PPP4R4: variants seen among roughly 807,000 people sequenced by gnomAD.
PPP4R4 encodes serine/threonine-protein phosphatase 4 regulatory subunit 4.
PPP4R4 carries 70 observed loss-of-function variants against 121.8 expected under a neutral mutation model. The observed-to-expected ratio is 0.57, with a 90% CI of 0.47 to 0.70. The LOEUF is 0.70. PPP4R4 is among the 30% of genes least tolerant of loss of function. The pLI, the probability that PPP4R4 is intolerant of heterozygous loss-of-function variation, is 0.00. For missense variants in PPP4R4, 875 were observed against 1,033.6 expected (o/e 0.85, Z 2.10); for synonymous variants, 348 against 355.7 (o/e 0.98, Z 0.24).
intron 3 of PPP4R4, among the ~76,000 whole-genome samples, chr14:94,217,268 C>G (rs899655741): frequency 2.0e-5 from 3 of 152,094 alleles, no homozygotes; most frequent in Non-Finnish European, 4.4e-5. Context: ...TGAGGCTGCA[C>G]GTTAAACAAA....
In PPP4R4 at chr14:94,241,885, G is replaced by C; in HGVS notation, c.1074G>C (p.Gln358His). 1 of 1,611,200 alleles carries C rather than the reference G, an allele frequency of 6.2e-7. No homozygotes were observed. Among genetic ancestry groups the C allele is most frequent in the Non-Finnish European group, 8.5e-7 (1 of 1,178,618 alleles). Residue 358 changes from glutamine (Q) to histidine (H), a missense_variant, in exon 10 of 25, where the codon CAG (glutamine) becomes CAC (histidine). Transcript: ENST00000304338. The stretch of plus-strand genomic sequence containing the variant: ...AAGAAAATGGACACAATGAAAACCA[G>C]ATTCCACCCCAAATCCTAGAGCAGG... ...LQQENGHNEN[Q>H]IPPQILEQEK... is the part of the protein sequence containing the mutation.
In PPP4R4 at chr14:94,231,326, C is replaced by T; in HGVS notation, c.516+11C>T. 1 of 1,586,890 alleles carries T rather than the reference C, an allele frequency of 6.3e-7. No homozygotes were observed. Among genetic ancestry groups the T allele is most frequent in the Non-Finnish European group, 8.6e-7 (1 of 1,157,476 alleles). ...ACCCTACGGCATGAGGTAATACTTT[C>T]ATGGGGGCAAATACTAATAAGTAAG... is the stretch of plus-strand genomic sequence containing the variant. On this transcript the variant is annotated intron_variant, in intron 5 of 24. Coordinates refer to ENST00000304338, the MANE Select transcript of PPP4R4 (RefSeq NM_058237.2).
At chr14:94,197,979 A>C (rs1889974639) in intron 2 of PPP4R4, among the ~76,000 whole-genome samples, 1 of 152,244 alleles carries the variant, frequency 6.6e-6, no homozygotes, top group South Asian at 2.1e-4. Context: ...TATGTATTAC[A>C]AACAAAGCTG....
chr14:94,262,732 C>G (rs1222539583), intron 19 of PPP4R4, among the ~76,000 whole-genome samples: 12 of 152,124 alleles, frequency 7.9e-5, no homozygotes, highest in African/African-American at 2.6e-4. Flanking sequence ...TGCTTAAGAT[C>G]TAAATTTCCC....
chr14:94,266,914 A>C, intron 22 of PPP4R4, 45 bp from the exon 23 acceptor site: 1 of 1,252,802 alleles, frequency 8.0e-7, no homozygotes, highest in Non-Finnish European at 1.2e-6. Context: ...TGAGATTGTA[A>C]GAAGTGTGTT....
intron 19 of PPP4R4, among the ~76,000 whole-genome samples, chr14:94,263,123 T>G (rs1382335437): frequency 6.6e-6 from 1 of 152,188 alleles, no homozygotes; most frequent in Admixed American, 6.5e-5. Context: ...CCAGTTTGGA[T>G]TTGGTAATCT....
At chr14:94,225,465 A>G (rs1891645505) in intron 3 of PPP4R4, among the ~76,000 whole-genome samples, 1 of 152,174 alleles carries the variant, frequency 6.6e-6, no homozygotes, top group African/African-American at 2.4e-5. Context: ...GAATAAGGGC[A>G]GTCCTGAATA....
At chr14:94,214,020 A>G (rs1890885248) in intron 3 of PPP4R4, among the ~76,000 whole-genome samples, 1 of 152,170 alleles carries the variant, frequency 6.6e-6, no homozygotes, top group African/African-American at 2.4e-5. Flanking sequence ...CCTTTCTTTC[A>G]TAAGGGCAGA....
intron 13 of PPP4R4, 23 bp from the exon 14 acceptor site, chr14:94,246,334 T>A (rs1892893621): frequency 6.3e-7 from 1 of 1,580,954 alleles, no homozygotes; most frequent in African/African-American, 1.4e-5. Context: ...TATAATTGAT[T>A]TTTTGATGCG....
intron 19 of PPP4R4, among the ~76,000 whole-genome samples, chr14:94,263,980 G>T (rs760388252): frequency 6.6e-6 from 1 of 152,126 alleles, no homozygotes; most frequent in Non-Finnish European, 1.5e-5. Context: ...TTCAGAACTT[G>T]CTGTGTTTGT....
intron 2 of PPP4R4, among the ~76,000 whole-genome samples, chr14:94,180,333 A>C (rs1888907264): frequency 6.6e-6 from 1 of 152,234 alleles, no homozygotes; most frequent in African/African-American, 2.4e-5. Flanking sequence ...CAGAAATTAG[A>C]ATCTTCACAA....
At chr14:94,199,610 G>A (rs574930207) in intron 2 of PPP4R4, among the ~76,000 whole-genome samples, 12 of 152,312 alleles carry the variant, frequency 7.9e-5, no homozygotes, top group African/African-American at 2.9e-4. Flanking sequence ...AGGTTGTATT[G>A]AGTAGAAGTA....
intron 3 of PPP4R4, among the ~76,000 whole-genome samples, chr14:94,208,882 G>A (rs1206601361): frequency 6.6e-6 from 1 of 151,740 alleles, no homozygotes; most frequent in East Asian, 1.9e-4. Flanking sequence ...GTATTCTGTT[G>A]ACTTAAATCT....
chr14:94,247,341 G>A (rs546858349), intron 14 of PPP4R4, among the ~76,000 whole-genome samples: 4 of 152,362 alleles, frequency 2.6e-5, no homozygotes, highest in African/African-American at 7.2e-5. Context: ...TGCAAGCTGG[G>A]TGGGCCCCAC....
At chr14:94,248,183 G>A (rs1716018331) in intron 14 of PPP4R4, among the ~76,000 whole-genome samples, 2 of 152,070 alleles carry the variant, frequency 1.3e-5, no homozygotes, top group Non-Finnish European at 1.5e-5. Context: ...TTGTCAGAAG[G>A]CTCCTAGACC....
chr14:94,250,489 C>G (rs1893122391), intron 15 of PPP4R4, among the ~76,000 whole-genome samples: 1 of 151,906 alleles, frequency 6.6e-6, no homozygotes, highest in Admixed American at 6.6e-5. Context: ...TAAATGTCTA[C>G]ACTTTAGAAA....
intron 14 of PPP4R4, among the ~76,000 whole-genome samples, chr14:94,248,424 G>GA (rs1271425062): frequency 2.6e-5 from 4 of 152,222 alleles, no homozygotes; most frequent in African/African-American, 9.6e-5. Context: ...TAAACAAATG[G>GA]AAAAACATTC....
chr14:94,258,268 C>T (rs1035500431), intron 17 of PPP4R4, among the ~76,000 whole-genome samples: 1 of 152,062 alleles, frequency 6.6e-6, no homozygotes, highest in African/African-American at 2.4e-5. Context: ...GTTAGATTGA[C>T]CATTGTTTTG....
chr14:94,266,880 A>C, intron 22 of PPP4R4, 79 bp from the exon 23 acceptor site: 1 of 934,876 alleles, frequency 1.1e-6, no homozygotes, highest in Non-Finnish European at 1.7e-6. Flanking sequence ...AAAGAAGATT[A>C]AAACAGCACA....
Sources: allele counts gnomAD v4.1 joint callset (sites outside exome capture counted in the v4.1 genomes callset), GRCh38; gene constraint gnomAD v4.1.1; transcripts MANE v1.5; gene names NCBI Gene and HGNC (gene_info 2026-07-23, HGNC 2026-07-21).